The following PDE8A variants were observed in gnomAD, a reference collection of about 807,000 sequenced individuals.
The protein encoded by PDE8A is phosphodiesterase 8A, also known as high affinity cAMP-specific and IBMX-insensitive 3',5'-cyclic phosphodiesterase 8A.
Under a neutral mutation model 105.0 loss-of-function variants are expected in PDE8A, and 59 were observed. The ratio of observed to expected loss-of-function variants is 0.56; its 90% CI spans 0.46 to 0.70. The LOEUF is 0.70. PDE8A is among the 30% of genes least tolerant of loss of function. The probability of loss-of-function intolerance (pLI) is 0.00; values close to 1 mark genes in which losing one functional copy is unlikely to be tolerated. For synonymous variants in PDE8A, 355 were observed against 371.9 expected, an observed-to-expected ratio of 0.95 and a Z score of 0.52; for missense variants, 1,014 against 1,045.9, an observed-to-expected ratio of 0.97 and a Z score of 0.42.
chr15:85,039,080 C>T (rs2080756957), intron 1 of PDE8A, among the ~76,000 whole-genome samples: 1 of 151,452 alleles, frequency 6.6e-6, no homozygotes, highest in South Asian at 2.1e-4. Context: ...GAGATTGTGC[C>T]ATTGCACTCC....
rs1220642743 is a variant in PDE8A at position 85,049,050 on chromosome 15, T to C, written c.187-15320T>C. 2.6e-5 allele frequency among the ~76,000 whole-genome samples: 4 copies of C among 152,170 alleles called. No homozygotes were observed. In the East Asian group the frequency reaches 7.7e-4, roughly 29 times the overall value. On this transcript the variant is annotated intron_variant, in intron 1 of 21. Coordinates refer to ENST00000394553, the MANE Select transcript of PDE8A (RefSeq NM_002605.3). ...CTGGGAAGTGGAGGTTGCAGTGAGCTGAGATCGCGCCACTGCACTCTAGCC... is the reference window on the plus strand; with the variant it reads ...CTGGGAAGTGGAGGTTGCAGTGAGCCGAGATCGCGCCACTGCACTCTAGCC...
intron 8 of PDE8A, 106 bp from the exon 9 acceptor site, chr15:85,097,842 A>G (rs1024260203): frequency 5.9e-5 from 39 of 665,132 alleles, no homozygotes; most frequent in Middle Eastern, 4.1e-4. Context: ...ATCATTTTTT[A>G]TCTTAATTGC....
At chr15:85,080,197 G>A (rs370871201) in intron 5 of PDE8A, among the ~76,000 whole-genome samples, 6 of 152,334 alleles carry the variant, frequency 3.9e-5, no homozygotes, top group African/African-American at 1.4e-4. Flanking sequence ...TTAGGTTATT[G>A]ATTATATAGC....
intron 19 of PDE8A, among the ~76,000 whole-genome samples, chr15:85,124,135 A>G (rs2082224932): frequency 6.6e-6 from 1 of 152,188 alleles, no homozygotes; most frequent in Non-Finnish European, 1.5e-5. Flanking sequence ...CATTTGAGGC[A>G]TGGAGTCCAC....
intron 5 of PDE8A, among the ~76,000 whole-genome samples, chr15:85,082,781 A>AT (rs1362832200): frequency 6.6e-6 from 1 of 152,150 alleles, no homozygotes; most frequent in African/African-American, 2.4e-5. Flanking sequence ...GTTCACAAAT[A>AT]TTTTTACATT....
chr15:85,102,522 A>AT (rs35094470), intron 11 of PDE8A, among the ~76,000 whole-genome samples: 34,184 of 146,174 alleles, frequency 0.23, 4,549 homozygotes, highest in Middle Eastern at 0.37. Flanking sequence ...GGTTGTAAGC[A>AT]TTTTTTTTTT....
intron 1 of PDE8A, among the ~76,000 whole-genome samples, chr15:84,995,879 T>C (rs2079967659): frequency 6.6e-6 from 1 of 152,200 alleles, no homozygotes; most frequent in African/African-American, 2.4e-5. Flanking sequence ...GAGAGTGCTT[T>C]GTGGTGCATT....
chr15:85,122,140 C>T (rs2082192403), intron 18 of PDE8A, among the ~76,000 whole-genome samples: 1 of 152,128 alleles, frequency 6.6e-6, no homozygotes, highest in South Asian at 2.1e-4. Context: ...AAGTTTAACC[C>T]TCTAATTATT....
chr15:85,002,462 C>G (rs2080082547), intron 1 of PDE8A, among the ~76,000 whole-genome samples: 1 of 152,210 alleles, frequency 6.6e-6, no homozygotes, highest in South Asian at 2.1e-4. Flanking sequence ...GTGCGCCACC[C>G]TCTGGCATGT....
At position 84,982,363 on chromosome 15, in the gene PDE8A, G is replaced by T. The variant is rs771087513; in HGVS notation, c.186+15G>T. On this transcript the variant is annotated intron_variant, in intron 1 of 21. Transcript: ENST00000394553. ...GCGGCAAGAAGGTAAGGGGCGCCGG[G>T]CACTCTGGGGCCGCCGCGAAACTCG... 1.5e-6 allele frequency: 2 copies of T among 1,296,106 alleles called. No individual in the cohort carries two copies. Among genetic ancestry groups the T allele is most frequent in the Non-Finnish European group, 2.0e-6 (2 of 1,022,668 alleles). 80.3% of individuals were successfully genotyped at this position (1,296,106 alleles called of 1,614,324 possible).
In PDE8A at chr15:85,100,161, G is replaced by C; in HGVS notation, c.999G>C (p.Glu333Asp). The C allele has an allele frequency of 1.9e-6, 3 of 1,613,976 alleles. No homozygotes were observed. Among genetic ancestry groups the C allele is most frequent in the Non-Finnish European group, 1.7e-6 (2 of 1,179,828 alleles). ...IRVCNGNNKA[E>D]KISECVQSDT... ...CTTTTAAAATTCACTTTTAGGCTGA[G>C]AAAATATCCGAATGTGTTCAGTCTG... The change falls in exon 11 of 22, where the codon GAG becomes GAC. Residue 333 changes from glutamate (E) to aspartate (D), a missense_variant. Transcript: ENST00000394553.
At chr15:85,065,477 T>A in intron 2 of PDE8A, among the ~76,000 whole-genome samples, 1 of 131,210 alleles carries the variant, frequency 7.6e-6, no homozygotes, top group Non-Finnish European at 1.6e-5. Flanking sequence ...AAACTTAAAG[T>A]ATAATTAAAA....
In PDE8A at chr15:85,137,912, A is replaced by G. The variant is rs369249302; in HGVS notation, c.*9A>G. The G allele has an allele frequency of 3.4e-5, 52 of 1,517,792 alleles. No individual in the cohort carries two copies. The highest frequency in any genetic ancestry group is 3.4e-4 in the Middle Eastern group (2 of 5,908). The allele number at this position is 1,517,792 out of a possible 1,614,324, so 94.0% of individuals were successfully genotyped here. On this transcript the variant is annotated 3_prime_UTR_variant, in exon 22 of 22. Transcript: ENST00000394553. The stretch of plus-strand genomic sequence containing the variant: ...GACCACCTCCTGAATAGTGGGAGAC[A>G]CCACCCAGAGCCCTGAAGCTTTGTT...
chr15:85,039,621 T>C (rs772641481), intron 1 of PDE8A, among the ~76,000 whole-genome samples: 5 of 152,178 alleles, frequency 3.3e-5, no homozygotes, highest in Non-Finnish European at 7.3e-5. Flanking sequence ...TCCAAAGGAA[T>C]TGAAGTCAGT....
intron 1 of PDE8A, among the ~76,000 whole-genome samples, chr15:85,028,772 A>G (rs902375122): frequency 6.6e-6 from 1 of 151,418 alleles, no homozygotes; most frequent in Admixed American, 6.6e-5. Context: ...ACCTCCCAGC[A>G]CAATGAAGAC....
chr15:85,083,475 G>T, intron 5 of PDE8A, 81 bp from the exon 6 acceptor site: 1 of 798,058 alleles, frequency 1.3e-6, no homozygotes, highest in South Asian at 1.5e-5. Context: ...AAGTTGAGAA[G>T]TTTGTTTAAA....
chr15:85,021,021 T>C, intron 1 of PDE8A, among the ~76,000 whole-genome samples: 1 of 152,182 alleles, frequency 6.6e-6, no homozygotes. Context: ...ACCTAATCAC[T>C]AATGCAATGG....
At chr15:85,108,590 A>G (rs1472101979) in intron 11 of PDE8A, among the ~76,000 whole-genome samples, 6 of 152,186 alleles carry the variant, frequency 3.9e-5, no homozygotes, top group Admixed American at 3.9e-4. Context: ...TTTGAAATAT[A>G]CCTCAAACAG....
At chr15:85,052,657 T>C (rs2080995740) in intron 1 of PDE8A, among the ~76,000 whole-genome samples, 2 of 152,222 alleles carry the variant, frequency 1.3e-5, no homozygotes, top group South Asian at 4.1e-4. Flanking sequence ...TTTGCCCACT[T>C]GTTGATAGGG....
Sources: allele counts gnomAD v4.1 joint callset (sites outside exome capture counted in the v4.1 genomes callset), GRCh38; gene constraint gnomAD v4.1.1; transcripts MANE v1.5; gene names NCBI Gene and HGNC (gene_info 2026-07-23, HGNC 2026-07-21).